The following HECW1 variants were observed in gnomAD, a reference collection of about 807,000 sequenced individuals.
The protein encoded by HECW1 is HECT, C2 and WW domain containing E3 ubiquitin protein ligase 1.
Under a neutral mutation model 182.3 loss-of-function variants are expected in HECW1, and 61 were observed. The observed-to-expected ratio is 0.33, with a 90% CI of 0.27 to 0.41. The LOEUF is 0.41. Ranked by LOEUF, HECW1 falls within the 10% of genes least tolerant of loss-of-function variation. The probability of loss-of-function intolerance (pLI) is 1.00; values close to 1 mark genes in which losing one functional copy is unlikely to be tolerated. For synonymous variants in HECW1, 859 were observed against 832.6 expected, an observed-to-expected ratio of 1.03 and a Z score of -0.55; for missense variants, 1,739 against 2,108.9, an observed-to-expected ratio of 0.82 and a Z score of 3.44.
chr7:43,190,599 G>A (rs1018771744), intron 2 of HECW1, among the ~76,000 whole-genome samples: 1 of 152,166 alleles, frequency 6.6e-6, no homozygotes, highest in Non-Finnish European at 1.5e-5. Context: ...TGTATTTGTG[G>A]AATAATTTCA....
At chr7:43,372,607 T>C (rs1008779906) in intron 6 of HECW1, among the ~76,000 whole-genome samples, 3 of 152,156 alleles carry the variant, frequency 2.0e-5, no homozygotes, top group African/African-American at 7.2e-5. Context: ...ATCAAAATAG[T>C]GGGATTGTGG....
At chr7:43,359,454 A>T (rs558889521) in intron 5 of HECW1, among the ~76,000 whole-genome samples, 1 of 152,364 alleles carries the variant, frequency 6.6e-6, no homozygotes, top group Non-Finnish European at 1.5e-5. Context: ...TGATTTTCAG[A>T]GAAAAGCCTG....
intron 24 of HECW1, chr7:43,509,360 T>A (rs1415053104): frequency 7.0e-6 from 3 of 430,600 alleles, no homozygotes; most frequent in Non-Finnish European, 8.2e-6. Context: ...AAAGAATAAT[T>A]GCCTACTGAG....
At position 43,311,825 on chromosome 7, in the gene HECW1, G is replaced by A. The variant is rs772059915; in HGVS notation, c.90G>A (p.Gln30=). Residue 30 remains glutamine, a synonymous_variant, in exon 4 of 30, where the codon CAG becomes CAA. Transcript: ENST00000395891. ...AAMASPSRNS[Q]SRRRCKEPLR... ...TGGCGTCTCCTTCTAGAAACTCCCA[G>A]AGCCGACGCCGGTGCAAGGAGCCGC... 1.1e-5 allele frequency: 17 copies of A among 1,614,002 alleles called. No individual in the cohort carries two copies. Among genetic ancestry groups the A allele is most frequent in the Non-Finnish European group, 4.2e-6 (5 of 1,179,992 alleles).
intron 17 of HECW1, among the ~76,000 whole-genome samples, chr7:43,486,652 T>C (rs116227494): frequency 2.6e-5 from 4 of 152,316 alleles, no homozygotes; most frequent in African/African-American, 9.6e-5. Flanking sequence ...AGCTATGACA[T>C]GACCAGTGAT....
intron 24 of HECW1, among the ~76,000 whole-genome samples, chr7:43,533,355 C>A (rs2081064455): frequency 6.6e-6 from 1 of 152,158 alleles, no homozygotes; most frequent in South Asian, 2.1e-4. Flanking sequence ...ATGACTGCTA[C>A]AGAAAGAATC....
At position 43,364,911 on chromosome 7, in the gene HECW1, A is replaced by T. The variant is rs185241109; in HGVS notation, c.555+3931A>T. On this transcript the variant is annotated intron_variant, in intron 6 of 29. Coordinates refer to ENST00000395891, the MANE Select transcript of HECW1 (RefSeq NM_015052.5). ...GTGCATTACCATTACAGTCTTCTTA[A>T]ATAAGCCCCATGATATATTTTTCTT... Among the ~76,000 whole-genome samples, 565 of 152,302 alleles carry T rather than the reference A, an allele frequency of 3.7e-3. 4 individuals are homozygous for T. The highest frequency in any genetic ancestry group is 0.012 in the African/African-American group (490 of 41,556).
chr7:43,505,728 C>A (rs989173613), intron 21 of HECW1, among the ~76,000 whole-genome samples: 1 of 152,212 alleles, frequency 6.6e-6, no homozygotes, highest in African/African-American at 2.4e-5. Flanking sequence ...TTTCTTGACC[C>A]ATGCAATCTA....
intron 2 of HECW1, among the ~76,000 whole-genome samples, chr7:43,192,203 C>T (rs1011610056): frequency 2.0e-5 from 3 of 152,182 alleles, no homozygotes; most frequent in Non-Finnish European, 4.4e-5. Context: ...AGGTGATCCA[C>T]CCGCCTTGGC....
Position 43,466,562 on chromosome 7 carries a change from C to G in HECW1, c.2907C>G (p.Ala969=). ...TNPEFFTVLH[A]NYSAYRVFTS... ...CCGAGTTCTTCACTGTGCTACATGCCAATTATGTGAGTGCCCTAAAATGCA... is the reference window on the plus strand; with the variant it reads ...CCGAGTTCTTCACTGTGCTACATGCGAATTATGTGAGTGCCCTAAAATGCA... The change falls in exon 15 of 30, where the codon GCC becomes GCG. Residue 969 remains alanine, a synonymous_variant. Coordinates refer to ENST00000395891, the MANE Select transcript of HECW1 (RefSeq NM_015052.5). The G allele has an allele frequency of 6.2e-7, 1 of 1,612,704 alleles. No homozygotes were observed. Among genetic ancestry groups the G allele is most frequent in the Non-Finnish European group, 8.5e-7 (1 of 1,179,582 alleles).
At chr7:43,215,296 G>A (rs1340182637) in intron 2 of HECW1, among the ~76,000 whole-genome samples, 1 of 152,260 alleles carries the variant, frequency 6.6e-6, no homozygotes, top group African/African-American at 2.4e-5. Context: ...TGTCCCCAGA[G>A]AGGCTGAAAG....
intron 3 of HECW1, among the ~76,000 whole-genome samples, chr7:43,285,001 T>TA (rs1319317525): frequency 2.0e-5 from 3 of 151,576 alleles, no homozygotes; most frequent in Non-Finnish European, 4.4e-5. Context: ...TGTATGGATT[T>TA]TTTTTTTTTT....
chr7:43,176,605 C>T (rs1792277840), intron 2 of HECW1, among the ~76,000 whole-genome samples: 1 of 152,052 alleles, frequency 6.6e-6, no homozygotes, highest in African/African-American at 2.4e-5. Context: ...TATAACAGAC[C>T]CACTCTTGTG....
chr7:43,259,254 G>A (rs1800921622), intron 3 of HECW1, among the ~76,000 whole-genome samples: 1 of 152,208 alleles, frequency 6.6e-6, no homozygotes, highest in East Asian at 1.9e-4. Context: ...AGGTGTGGTG[G>A]TGCATGCCTG....
At chr7:43,287,848 G>T (rs1384589648) in intron 3 of HECW1, among the ~76,000 whole-genome samples, 8 of 152,220 alleles carry the variant, frequency 5.3e-5, no homozygotes, top group Admixed American at 5.2e-4. Context: ...GCATTGGCTG[G>T]ATTGTACCTG....
intron 5 of HECW1, among the ~76,000 whole-genome samples, chr7:43,337,677 A>C (rs17172199): frequency 0.053 from 8,006 of 152,276 alleles, 277 homozygotes; most frequent in South Asian, 0.1. Flanking sequence ...GTGTCTTCAG[A>C]TGCTCTTGCT....
intron 29 of HECW1, among the ~76,000 whole-genome samples, 167 bp downstream of exon 29, chr7:43,554,957 T>A (rs1365942617): frequency 6.6e-6 from 1 of 152,194 alleles, no homozygotes; most frequent in Non-Finnish European, 1.5e-5. Flanking sequence ...CTGTGAGACT[T>A]GCACTGAAAC....
chr7:43,305,620 T>C (rs1440931160), intron 3 of HECW1, among the ~76,000 whole-genome samples: 4 of 151,988 alleles, frequency 2.6e-5, no homozygotes, highest in Non-Finnish European at 4.4e-5. Context: ...TTGTTTGTTG[T>C]TTGGGGGGGA....
chr7:43,256,539 G>A (rs922917706), intron 3 of HECW1, among the ~76,000 whole-genome samples: 1 of 151,208 alleles, frequency 6.6e-6, no homozygotes, highest in Non-Finnish European at 1.5e-5. Context: ...AACCTGGGAG[G>A]CAGAGGTTGC....
Sources: allele counts gnomAD v4.1 joint callset (sites outside exome capture counted in the v4.1 genomes callset), GRCh38; gene constraint gnomAD v4.1.1; transcripts MANE v1.5; gene names NCBI Gene and HGNC (gene_info 2026-07-23, HGNC 2026-07-21).